Variants in BMP6 observed in about 807,000 individuals in gnomAD.
BMP6 encodes the protein bone morphogenetic protein 6.
In BMP6, 17 loss-of-function variants were observed where a neutral mutation model predicts 54.1. That is an observed-to-expected ratio of 0.31 (90% CI 0.22 to 0.47). BMP6 has a LOEUF of 0.47. BMP6 is among the 20% of genes least tolerant of loss of function. BMP6 has a pLI of 1.00. For synonymous variants in BMP6, 328 were observed against 291.2 expected, an observed-to-expected ratio of 1.13 and a Z score of -1.28; for missense variants, 720 against 690.4, an observed-to-expected ratio of 1.04 and a Z score of -0.48.
intron 4 of BMP6, among the ~76,000 whole-genome samples, chr6:7,871,187 GA>G (rs1324225555): frequency 6.6e-6 from 1 of 152,200 alleles, no homozygotes; most frequent in Non-Finnish European, 1.5e-5. Flanking sequence ...TGCTAGAAAA[GA>G]AAAATCTCCA....
At chr6:7,832,868 C>G (rs540061323) in intron 1 of BMP6, among the ~76,000 whole-genome samples, 1 of 151,044 alleles carries the variant, frequency 6.6e-6, no homozygotes, top group East Asian at 1.9e-4. Flanking sequence ...GTCACGAGAT[C>G]CTGGGCAGTG....
chr6:7,799,173 C>T (rs1032368420), intron 1 of BMP6, among the ~76,000 whole-genome samples: 2 of 152,182 alleles, frequency 1.3e-5, no homozygotes, highest in Non-Finnish European at 2.9e-5. Context: ...GAGGAGAGAG[C>T]AGCTTGTTCA....
chr6:7,862,976 G>C (rs900818975), intron 4 of BMP6, among the ~76,000 whole-genome samples: 11 of 152,038 alleles, frequency 7.2e-5, no homozygotes, highest in African/African-American at 2.7e-4. Flanking sequence ...TCATTTAATG[G>C]AGAGGTTGAG....
At chr6:7,828,878 C>T (rs1758744310) in intron 1 of BMP6, among the ~76,000 whole-genome samples, 1 of 152,214 alleles carries the variant, frequency 6.6e-6, no homozygotes, top group African/African-American at 2.4e-5. Flanking sequence ...GCCCAGGGCT[C>T]AGGCCAGCCT....
intron 1 of BMP6, among the ~76,000 whole-genome samples, chr6:7,800,589 T>A (rs879745241): frequency 6.6e-6 from 1 of 152,132 alleles, no homozygotes; most frequent in Non-Finnish European, 1.5e-5. Flanking sequence ...CTTATTAAGC[T>A]CTGGGGGTTT....
chr6:7,739,538 AC>A (rs1346659805), intron 1 of BMP6, among the ~76,000 whole-genome samples: 1 of 152,204 alleles, frequency 6.6e-6, no homozygotes, highest in Non-Finnish European at 1.5e-5. Context: ...AAAAGTTCTT[AC>A]TTTTACAGTA....
At chr6:7,749,426 T>C (rs1378125172) in intron 1 of BMP6, among the ~76,000 whole-genome samples, 3 of 152,254 alleles carry the variant, frequency 2.0e-5, no homozygotes, top group Non-Finnish European at 4.4e-5. Context: ...TTTCCACATA[T>C]GTTCAATGTT....
chr6:7,849,104 C>G (rs927876039), intron 2 of BMP6, among the ~76,000 whole-genome samples: 7 of 152,244 alleles, frequency 4.6e-5, no homozygotes, highest in Admixed American at 2.0e-4. Flanking sequence ...AGACGAAGTA[C>G]CGGAAAGAGG....
chr6:7,792,065 G>A (rs953766043), intron 1 of BMP6, among the ~76,000 whole-genome samples: 7 of 152,132 alleles, frequency 4.6e-5, no homozygotes, highest in African/African-American at 1.7e-4. Flanking sequence ...TCTTGAGGCT[G>A]ACAATTCAAA....
rs559102438 is a variant in BMP6, at chr6:7,782,003, CAG to C, written c.664+54385_664+54386del. The stretch of plus-strand genomic sequence containing the variant: ...ACACTTGGAAGGGATGGAGTGGACA[CAG>C]GGGCCCCATTTAGGAAGTTTTTAGT... On this transcript the variant is annotated intron_variant, in intron 1 of 6. Transcript: ENST00000283147. Among the ~76,000 whole-genome samples, 93 of 151,446 alleles carry C rather than the reference CAG, an allele frequency of 6.1e-4. 1 individual carries two copies. The South Asian group carries it at 0.018, about 30-fold the overall frequency.
At chr6:7,834,407 A>C (rs538167810) in intron 1 of BMP6, among the ~76,000 whole-genome samples, 3 of 152,288 alleles carry the variant, frequency 2.0e-5, no homozygotes, top group Admixed American at 6.5e-5. Context: ...TAGAAAATGC[A>C]AGACAATAAT....
At chr6:7,847,922 C>G (rs2113258153) in intron 2 of BMP6, among the ~76,000 whole-genome samples, 1 of 152,266 alleles carries the variant, frequency 6.6e-6, no homozygotes, top group South Asian at 2.1e-4. Flanking sequence ...AGAATAAGCC[C>G]TTAGATGGAG....
chr6:7,749,043 A>G (rs183919317), intron 1 of BMP6, among the ~76,000 whole-genome samples: 15 of 152,334 alleles, frequency 9.8e-5, no homozygotes, highest in Admixed American at 9.8e-4. Context: ...CTAGTATTCT[A>G]CCCTTCAGGA....
intron 1 of BMP6, among the ~76,000 whole-genome samples, chr6:7,760,112 G>T (rs1456359113): frequency 7.0e-6 from 1 of 142,734 alleles, no homozygotes; most frequent in Non-Finnish European, 1.5e-5. Context: ...TGTCACCCAG[G>T]CTGGAGTACA....
At chr6:7,734,049 T>A (rs992540563) in intron 1 of BMP6, among the ~76,000 whole-genome samples, 2 of 152,194 alleles carry the variant, frequency 1.3e-5, no homozygotes, top group African/African-American at 4.8e-5. Flanking sequence ...CAGTCACTAG[T>A]GTTTTGAAGA....
intron 1 of BMP6, among the ~76,000 whole-genome samples, chr6:7,842,095 C>G (rs991459832): frequency 6.6e-6 from 1 of 152,154 alleles, no homozygotes; most frequent in Non-Finnish European, 1.5e-5. Context: ...CTCCTCTTTT[C>G]CTCCCATCCC....
chr6:7,875,478 G>A (rs1360546756), intron 4 of BMP6, among the ~76,000 whole-genome samples: 3 of 152,122 alleles, frequency 2.0e-5, no homozygotes, highest in Non-Finnish European at 4.4e-5. Context: ...AGGAGTTCAA[G>A]ACCAGCCTCG....
At chr6:7,783,548 C>T (rs1410762296) in intron 1 of BMP6, among the ~76,000 whole-genome samples, 3 of 152,212 alleles carry the variant, frequency 2.0e-5, no homozygotes, top group Non-Finnish European at 4.4e-5. Flanking sequence ...CAAAACAATT[C>T]GTAAGAACTA....
rs1757391523 is a variant in BMP6 at position 7,749,524 on chromosome 6, T to C, written c.664+21905T>C. Among the ~76,000 whole-genome samples, 2 of 152,248 alleles carry C rather than the reference T, an allele frequency of 1.3e-5. 1 individual carries two copies. The highest frequency in any genetic ancestry group is 4.1e-4 in the South Asian group (2 of 4,830). On this transcript the variant is annotated intron_variant, in intron 1 of 6. Coordinates refer to ENST00000283147, the MANE Select transcript of BMP6 (RefSeq NM_001718.6). ...AAAACGAATTACTGCTCAAAATCAA[T>C]AATAAATGGTCAAAGGAACTATAGC...
Sources: gnomAD v4.1 joint callset for allele counts (sites outside exome capture counted in the v4.1 genomes callset) on GRCh38, gnomAD v4.1.1 for gene constraint, MANE v1.5 for transcripts, NCBI Gene and HGNC (gene_info 2026-07-23, HGNC 2026-07-21) for gene names.